PLVAP: variants seen among roughly 807,000 people sequenced by gnomAD.
PLVAP encodes the protein plasmalemma vesicle-associated protein.
A neutral mutation model predicts 43.1 loss-of-function variants in PLVAP; 34 were observed. That is an observed-to-expected ratio of 0.79 (90% CI 0.60 to 1.05). The LOEUF (loss-of-function observed/expected upper bound fraction) is 1.05. Among genes scored for constraint, PLVAP ranks in the 50% least tolerant of loss-of-function variants. The pLI, the probability that PLVAP is intolerant of heterozygous loss-of-function variation, is 0.00. For missense variants in PLVAP, 574 were observed against 593.4 expected (o/e 0.97, Z 0.34); for synonymous variants, 241 against 237.3 (o/e 1.02, Z -0.14).
chr19:17,358,966 ATTTTTGTAT>A (rs1360375779), intron 5 of PLVAP, among the ~76,000 whole-genome samples: 1 of 151,384 alleles, frequency 6.6e-6, no homozygotes, highest in East Asian at 1.9e-4. Context: ...CACCTGGGTA[ATTTTTGTAT>A]TTTTTGTACA....
At chr19:17,364,868 G>A (rs1325441172) in intron 3 of PLVAP, among the ~76,000 whole-genome samples, 2 of 148,946 alleles carry the variant, frequency 1.3e-5, no homozygotes, top group Non-Finnish European at 3.0e-5. Context: ...CACCTCCCGG[G>A]TTCAAGCGAT....
Position 17,351,598 on chromosome 19 carries a change from A to C in PLVAP, c.*764T>G, listed in dbSNP as rs1030462418. The C allele has an allele frequency of 6.6e-6, 1 of 152,258 alleles. No homozygotes were observed. The highest frequency in any genetic ancestry group is 1.5e-5 in the Non-Finnish European group (1 of 68,066). 9.4% of individuals were successfully genotyped at this position (152,258 alleles called of 1,614,324 possible). A position where few individuals can be genotyped will look rare whatever the true frequency, so the allele number is the denominator to read the frequency against. On this transcript the variant is annotated 3_prime_UTR_variant, in exon 6 of 6. Transcript: ENST00000252590. ...TCAGGGCCCCGAGGGGGTCCTGGAA[A>C]CACTCACGCTCAAGGAGCGGAGGTG...
At chr19:17,361,429 C>T (rs1464763350) in intron 3 of PLVAP, among the ~76,000 whole-genome samples, 1 of 152,132 alleles carries the variant, frequency 6.6e-6, no homozygotes, top group Non-Finnish European at 1.5e-5. Context: ...TGGCCTACCC[C>T]TGTCTCCATC....
chr19:17,371,866 G>A (rs1025996688), intron 1 of PLVAP, among the ~76,000 whole-genome samples: 5 of 152,116 alleles, frequency 3.3e-5, no homozygotes, highest in African/African-American at 9.7e-5. Flanking sequence ...ACCCTCTGCA[G>A]AAATATAATA....
intron 2 of PLVAP, 35 bp downstream of exon 2, chr19:17,366,063 TC>T: frequency 6.2e-7 from 1 of 1,611,498 alleles, no homozygotes; most frequent in Non-Finnish European, 8.5e-7. Flanking sequence ...GGGCAGGGAG[TC>T]CACCACCCCG....
At chr19:17,357,576 ATTGT>A (rs1292026981) in intron 5 of PLVAP, among the ~76,000 whole-genome samples, 3 of 152,028 alleles carry the variant, frequency 2.0e-5, no homozygotes, top group Admixed American at 6.6e-5. Flanking sequence ...AGGCAGGAAG[ATTGT>A]TTGAGCCCAG....
intron 5 of PLVAP, among the ~76,000 whole-genome samples, chr19:17,359,116 T>C (rs1490430784): frequency 6.7e-6 from 1 of 150,336 alleles, no homozygotes; most frequent in African/African-American, 2.4e-5. Context: ...CTTTTTTATT[T>C]ATTATTTTTA....
chr19:17,352,046 T>G lies in PLVAP; in HGVS notation c.*316A>C, dbSNP rs2074487839. ...ATGTCTGTGTGCGACGTGCTGCATC[T>G]GCACGACGCCATCGCTATATCTCTT... On this transcript the variant is annotated 3_prime_UTR_variant, in exon 6 of 6. Coordinates refer to ENST00000252590, the MANE Select transcript of PLVAP (RefSeq NM_031310.3). 2.3e-6 allele frequency: 1 copy of G among 428,742 alleles called. No individual in the cohort carries two copies. The highest frequency in any genetic ancestry group is 4.3e-6 in the Non-Finnish European group (1 of 233,448). 26.6% of individuals were successfully genotyped at this position (428,742 alleles called of 1,614,324 possible).
chr19:17,353,961 C>T (rs747786482), intron 5 of PLVAP, among the ~76,000 whole-genome samples: 9 of 152,150 alleles, frequency 5.9e-5, no homozygotes, highest in Non-Finnish European at 1.2e-4. Flanking sequence ...ACATTAACCA[C>T]GTGTCCAGCT....
At chr19:17,356,965 C>CA (rs879934005) in intron 5 of PLVAP, among the ~76,000 whole-genome samples, 5 of 150,086 alleles carry the variant, frequency 3.3e-5, no homozygotes, top group South Asian at 2.1e-4. Flanking sequence ...GTCTCAAAAA[C>CA]AAAAAAACAA....
intron 3 of PLVAP, among the ~76,000 whole-genome samples, chr19:17,363,499 C>A (rs1236685062): frequency 1.3e-5 from 2 of 151,970 alleles, no homozygotes; most frequent in African/African-American, 4.8e-5. Flanking sequence ...GTCCCATTGC[C>A]CAAGCAATGA....
At chr19:17,356,491 A>G (rs2074507273) in intron 5 of PLVAP, among the ~76,000 whole-genome samples, 1 of 152,048 alleles carries the variant, frequency 6.6e-6, no homozygotes, top group Admixed American at 6.6e-5. Context: ...ACTAAACACT[A>G]TATTAATGAG....
At chr19:17,355,452 T>A (rs1441100266) in intron 5 of PLVAP, among the ~76,000 whole-genome samples, 2 of 151,366 alleles carry the variant, frequency 1.3e-5, no homozygotes, top group Non-Finnish European at 2.9e-5. Flanking sequence ...AGCCTTGAAC[T>A]CCTCGGCTCA....
In PLVAP at chr19:17,365,494, T is replaced by A. The variant is rs1212823822; in HGVS notation, c.971A>T (p.Lys324Met). The change falls in exon 3 of 6, where the codon AAG becomes ATG. Residue 324 changes from lysine (K) to methionine (M), a missense_variant. Coordinates refer to ENST00000252590, the MANE Select transcript of PLVAP (RefSeq NM_031310.3). ...GLRASQEAKQ[K>M]VEKEAQAREA... ...CCGGGCCTGAGCCTCCTTCTCCACCTTCTGTTTCGCCTCCTGACTGGCCCG... is the reference window on the plus strand; with the variant it reads ...CCGGGCCTGAGCCTCCTTCTCCACCATCTGTTTCGCCTCCTGACTGGCCCG... The A allele has an allele frequency of 6.2e-7, 1 of 1,612,448 alleles. No homozygotes were observed. Among genetic ancestry groups the A allele is most frequent in the Admixed American group, 1.7e-5 (1 of 60,024 alleles).
chr19:17,363,054 G>T (rs1262557809), intron 3 of PLVAP, among the ~76,000 whole-genome samples: 1 of 152,190 alleles, frequency 6.6e-6, no homozygotes, highest in African/African-American at 2.4e-5. Context: ...ACTCAGCCTC[G>T]ATTCTTTCAT....
chr19:17,352,319 C>T lies in PLVAP; in HGVS notation c.*43G>A, dbSNP rs1299608689. Reference sequence around the variant, plus strand: ...GCATATCCCTGCATCCTCCGCAAACCGCCGAGTCGGGCCATCCCTTGGTCC... The same window carrying T: ...GCATATCCCTGCATCCTCCGCAAACTGCCGAGTCGGGCCATCCCTTGGTCC... On this transcript the variant is annotated 3_prime_UTR_variant, in exon 6 of 6. Transcript: ENST00000252590. The T allele has an allele frequency of 3.1e-6, 5 of 1,612,330 alleles. No homozygotes were observed. Among genetic ancestry groups the T allele is most frequent in the South Asian group, 2.2e-5 (2 of 91,062 alleles).
At position 17,359,304 on chromosome 19, in the gene PLVAP, G is replaced by C. The variant is rs2074518611; in HGVS notation, c.1322+1224C>G. On this transcript the variant is annotated intron_variant, in intron 5 of 5. Transcript: ENST00000252590. ...TTTTTTTTTTTTTTTAGTAGAGACA[G>C]GGTTTCACCATGTTGGCCAAGCTAG... is the stretch of plus-strand genomic sequence containing the variant. Among the ~76,000 whole-genome samples, 3 of 149,570 alleles carry C rather than the reference G, an allele frequency of 2.0e-5. No homozygotes were observed. The South Asian group carries it at 6.3e-4, about 31-fold the overall frequency.
intron 1 of PLVAP, among the ~76,000 whole-genome samples, 155 bp from the exon 2 acceptor site, chr19:17,366,350 G>A (rs2074550147): frequency 6.6e-6 from 1 of 152,104 alleles, no homozygotes; most frequent in African/African-American, 2.4e-5. Context: ...AGGTGTGGCA[G>A]CTCACACCTG....
intron 1 of PLVAP, among the ~76,000 whole-genome samples, chr19:17,374,388 G>A (rs916001504): frequency 3.3e-5 from 5 of 151,092 alleles, no homozygotes; most frequent in South Asian, 4.2e-4. Flanking sequence ...TGGTATGAAC[G>A]CAGAAGGTGG....
Sources: allele counts gnomAD v4.1 joint callset (sites outside exome capture counted in the v4.1 genomes callset), GRCh38; gene constraint gnomAD v4.1.1; transcripts MANE v1.5; gene names NCBI Gene and HGNC (gene_info 2026-07-23, HGNC 2026-07-21).